The following AKT3 variants were observed in gnomAD, a reference collection of about 807,000 sequenced individuals.
AKT3 encodes the protein RAC-gamma serine/threonine-protein kinase.
A neutral mutation model predicts 65.3 loss-of-function variants in AKT3; 15 were observed. That is an observed-to-expected ratio of 0.23 (90% CI 0.15 to 0.35). AKT3 has a LOEUF of 0.35. Among genes scored for constraint, AKT3 ranks in the 10% least tolerant of loss-of-function variants. The pLI is 1.00. For synonymous variants in AKT3, 206 were observed against 183.8 expected, an observed-to-expected ratio of 1.12 and a Z score of -0.98; for missense variants, 243 against 576.5, an observed-to-expected ratio of 0.42 and a Z score of 5.92.
chr1:243,665,988 C>G (rs1190885991), intron 3 of AKT3, among the ~76,000 whole-genome samples: 1 of 152,090 alleles, frequency 6.6e-6, no homozygotes, highest in Non-Finnish European at 1.5e-5. Flanking sequence ...CAATTCTTTA[C>G]TCAGATTAGC....
chr1:243,540,936 G>A (rs1194227016), intron 12 of AKT3, among the ~76,000 whole-genome samples: 1 of 152,132 alleles, frequency 6.6e-6, no homozygotes, highest in Non-Finnish European at 1.5e-5. Context: ...GCCCTTCTCA[G>A]AGCATCTTAT....
At chr1:243,611,905 G>C (rs1004056105) in intron 8 of AKT3, among the ~76,000 whole-genome samples, 3 of 152,074 alleles carry the variant, frequency 2.0e-5, no homozygotes, top group African/African-American at 7.2e-5. Context: ...CCTACTCTAA[G>C]TGCTAGATCA....
At position 243,625,102 on chromosome 1, in the gene AKT3, T is replaced by C. The variant is rs572219876; in HGVS notation, c.562-9941A>G. 395 of 210,682 alleles carry C rather than the reference T, an allele frequency of 1.9e-3. 3 individuals are homozygous for C. Among genetic ancestry groups the C allele is most frequent in the Non-Finnish European group, 2.5e-3 (251 of 100,508 alleles). The allele number at this position is 210,682 out of a possible 1,614,324, so 13.1% of individuals were successfully genotyped here. A position where few individuals can be genotyped will look rare whatever the true frequency, so the allele number is the denominator to read the frequency against. ...AGAGACAGAAGTGAGGAGCTGCTGGTCTTATTGCCACTGCAGTTTGTGTTT... is the reference window on the plus strand; with the variant it reads ...AGAGACAGAAGTGAGGAGCTGCTGGCCTTATTGCCACTGCAGTTTGTGTTT... On this transcript the variant is annotated intron_variant, in intron 6 of 13. Coordinates refer to ENST00000673466, the MANE Select transcript of AKT3 (RefSeq NM_005465.7).
At chr1:243,499,601 C>T, downstream of AKT3, 4 of 696,940 alleles carry the variant, frequency 5.7e-6, no homozygotes, top group Non-Finnish European at 1.0e-5. Flanking sequence ...CAAGATGAGG[C>T]ACAAACTTTT....
chr1:243,714,274 G>A (rs972799947), intron 2 of AKT3, among the ~76,000 whole-genome samples: 1 of 152,100 alleles, frequency 6.6e-6, no homozygotes, highest in Non-Finnish European at 1.5e-5. Flanking sequence ...AACTGCCTAG[G>A]TTTAATTTAT....
At chr1:243,625,519 T>C (rs1679096193) in intron 6 of AKT3, among the ~76,000 whole-genome samples, 1 of 152,130 alleles carries the variant, frequency 6.6e-6, no homozygotes, top group Admixed American at 6.5e-5. Flanking sequence ...GGATTTTGGT[T>C]AGCTTGAGCT....
intron 6 of AKT3, among the ~76,000 whole-genome samples, chr1:243,626,326 T>C (rs148934269): frequency 1.6e-4 from 25 of 152,226 alleles, no homozygotes; most frequent in African/African-American, 6.0e-4. Context: ...ATGGGATGAA[T>C]AAAATGGACA....
At chr1:243,535,380 C>T (rs1671855851) in intron 12 of AKT3, among the ~76,000 whole-genome samples, 1 of 151,958 alleles carries the variant, frequency 6.6e-6, no homozygotes, top group African/African-American at 2.4e-5. Context: ...TTCCATCCTC[C>T]CCTCACTCTG....
At chr1:243,561,838 T>C (rs1159759832) in intron 10 of AKT3, among the ~76,000 whole-genome samples, 1 of 152,154 alleles carries the variant, frequency 6.6e-6, no homozygotes, top group Non-Finnish European at 1.5e-5. Flanking sequence ...GTGAAAGATG[T>C]TATTTTTCAA....
At chr1:243,581,195 G>A (rs1000205954) in intron 8 of AKT3, among the ~76,000 whole-genome samples, 9 of 152,204 alleles carry the variant, frequency 5.9e-5, no homozygotes, top group Admixed American at 1.3e-4. Context: ...GTCATCAGGG[G>A]ACCTGTAGGT....
intron 5 of AKT3, among the ~76,000 whole-genome samples, chr1:243,640,746 T>C (rs1389360753): frequency 3.3e-5 from 5 of 152,146 alleles, no homozygotes; most frequent in Admixed American, 6.5e-5. Context: ...AGGCAGCTGA[T>C]TGAGAGCCAT....
At chr1:243,729,943 G>C (rs1687445345) in intron 2 of AKT3, among the ~76,000 whole-genome samples, 2 of 152,040 alleles carry the variant, frequency 1.3e-5, no homozygotes, top group Admixed American at 6.5e-5. Context: ...TTAAATATTT[G>C]TGTATTTCAG....
intron 2 of AKT3, among the ~76,000 whole-genome samples, chr1:243,817,093 T>G (rs1693572841): frequency 1.3e-5 from 2 of 152,246 alleles, no homozygotes; most frequent in South Asian, 4.2e-4. Context: ...AGAGGCAACA[T>G]GGAGGCGAAC....
intron 2 of AKT3, among the ~76,000 whole-genome samples, chr1:243,819,710 G>T (rs1227667583): frequency 6.6e-6 from 1 of 152,110 alleles, no homozygotes; most frequent in African/African-American, 2.4e-5. Flanking sequence ...CCCCCAACAG[G>T]GGTCGCCAGA....
At chr1:243,847,705 A>G (rs1695578081) in intron 1 of AKT3, among the ~76,000 whole-genome samples, 1 of 152,164 alleles carries the variant, frequency 6.6e-6, no homozygotes, top group Non-Finnish European at 1.5e-5. Context: ...CTGAAAACAG[A>G]TTCCTTCTGA....
chr1:243,556,410 T>A (rs904013588), intron 10 of AKT3, among the ~76,000 whole-genome samples: 1 of 152,048 alleles, frequency 6.6e-6, no homozygotes, highest in Non-Finnish European at 1.5e-5. Context: ...AAAAAAACTA[T>A]TCATTACAAT....
At chr1:243,642,230 C>T (rs1024898569) in intron 5 of AKT3, among the ~76,000 whole-genome samples, 1 of 152,192 alleles carries the variant, frequency 6.6e-6, no homozygotes, top group African/African-American at 2.4e-5. Flanking sequence ...GTAGTCTTTA[C>T]AAATGAAATG....
At chr1:243,671,075 T>C (rs977944344) in intron 3 of AKT3, among the ~76,000 whole-genome samples, 7 of 150,770 alleles carry the variant, frequency 4.6e-5, no homozygotes, top group Admixed American at 6.6e-5. Context: ...TAATAATAGA[T>C]TCCTTTTTTT....
intron 8 of AKT3, among the ~76,000 whole-genome samples, chr1:243,579,049 A>G (rs1405818584): frequency 6.6e-6 from 1 of 152,214 alleles, no homozygotes; most frequent in Non-Finnish European, 1.5e-5. Context: ...TAACAGACAT[A>G]TAAAGAGAAT....
Sources: gnomAD v4.1 joint callset for allele counts (sites outside exome capture counted in the v4.1 genomes callset) on GRCh38, gnomAD v4.1.1 for gene constraint, MANE v1.5 for transcripts, NCBI Gene and HGNC (gene_info 2026-07-23, HGNC 2026-07-21) for gene names.